The following TTC28 variants were observed in gnomAD, a reference collection of about 807,000 sequenced individuals.
The protein encoded by TTC28 is tetratricopeptide repeat protein 28.
A neutral mutation model predicts 198.0 loss-of-function variants in TTC28; 61 were observed. The observed-to-expected ratio is 0.31, with a 90% confidence interval of 0.25 to 0.38. TTC28 has a LOEUF of 0.38. Among genes scored for constraint, TTC28 ranks in the 10% least tolerant of loss-of-function variants. The pLI, the probability that TTC28 is intolerant of heterozygous loss-of-function variation, is 1.00. For missense variants in TTC28, 2,678 were observed against 3,164.0 expected (o/e 0.85, Z 3.69); for synonymous variants, 1,171 against 1,297.8 (o/e 0.90, Z 2.10).
intron 12 of TTC28, among the ~76,000 whole-genome samples, chr22:28,044,377 G>A (rs1939778950): frequency 6.6e-6 from 1 of 152,060 alleles, no homozygotes; most frequent in South Asian, 2.1e-4. Flanking sequence ...AACAATCAAT[G>A]AATTCTGTGT....
At chr22:28,061,637 G>A (rs1940548520) in intron 12 of TTC28, among the ~76,000 whole-genome samples, 1 of 152,206 alleles carries the variant, frequency 6.6e-6, no homozygotes, top group Non-Finnish European at 1.5e-5. Context: ...AGTACAGTTT[G>A]AAGTCAGGTA....
intron 2 of TTC28, among the ~76,000 whole-genome samples, chr22:28,372,782 T>C (rs1448157157): frequency 6.6e-6 from 1 of 152,166 alleles, no homozygotes; most frequent in Non-Finnish European, 1.5e-5. Context: ...CAGCAAGATT[T>C]GTGCTGTAGG....
rs1013913402 is a variant in TTC28 at position 28,296,265 on chromosome 22, T to C, written c.866A>G (p.Asn289Ser). The change falls in exon 5 of 23, where the codon AAT (asparagine) becomes AGT (serine). Residue 289 changes from asparagine to serine, a missense_variant. Physicochemically the swap from Asn to Ser is conservative, Grantham distance 46. This residue lies in a region of TTC28 where 775 missense variants were observed against 845.9 expected (regional missense o/e 0.92). Transcript: ENST00000397906. ...GTGGTTAGTGAGAGCCTCCCGGTAA[T>C]TTCCTTTGGAGAAGAATGCAGAGCC... The part of the protein sequence containing the change: ...NLGSAFFSKG[N>S]YREALTNHRH... 3.2e-6 allele frequency: 5 copies of C among 1,551,042 alleles called. No homozygotes were observed. The highest frequency in any genetic ancestry group is 4.4e-6 in the Non-Finnish European group (5 of 1,146,744).
chr22:28,302,165 C>T (rs2045040504), intron 3 of TTC28, among the ~76,000 whole-genome samples: 1 of 152,038 alleles, frequency 6.6e-6, no homozygotes. Flanking sequence ...TCTGGGAAGG[C>T]TTCCCAGAGG....
rs1320669216 is a variant in TTC28, at chr22:28,014,306, G to A, written c.4160C>T (p.Ser1387Leu). ...GTSSLPRRQS[S>L]FAKPPLRALY... ...GGCACGGAGCGGGGGCTTGGCAAAC[G>A]AGCTCTGCCTCCTGGGAAGAGAGGA... Residue 1387 changes from serine to leucine, a missense_variant, in exon 14 of 23, where the codon TCG becomes TTG. Transcript: ENST00000397906. 4.7e-5 allele frequency: 73 copies of A among 1,551,532 alleles called. No individual in the cohort carries two copies. The highest frequency in any genetic ancestry group is 6.0e-5 in the Non-Finnish European group (69 of 1,146,992).
intron 5 of TTC28, among the ~76,000 whole-genome samples, chr22:28,221,352 A>G (rs1927842505): frequency 1.3e-5 from 2 of 152,224 alleles, no homozygotes; most frequent in Non-Finnish European, 2.9e-5. Flanking sequence ...AGTTTAGGGT[A>G]GCAAGACTAA....
At chr22:28,123,939 C>T (rs946321758) in intron 6 of TTC28, among the ~76,000 whole-genome samples, 5 of 152,102 alleles carry the variant, frequency 3.3e-5, no homozygotes, top group Non-Finnish European at 5.9e-5. Context: ...GCTGAGATCA[C>T]ACCACTGCAC....
chr22:28,409,583 TA>T (rs890111564), intron 2 of TTC28, among the ~76,000 whole-genome samples: 15 of 149,868 alleles, frequency 1.0e-4, no homozygotes, highest in African/African-American at 2.7e-4. Flanking sequence ...ATAACATATA[TA>T]AAAAACATAT....
intron 2 of TTC28, among the ~76,000 whole-genome samples, chr22:28,602,602 TG>T (rs1197411104): frequency 6.6e-6 from 1 of 152,168 alleles, no homozygotes; most frequent in African/African-American, 2.4e-5. Context: ...TGTTAACAAC[TG>T]GGGGATCTAG....
intron 2 of TTC28, among the ~76,000 whole-genome samples, chr22:28,528,850 G>A (rs1451656885): frequency 1.3e-5 from 2 of 152,004 alleles, no homozygotes; most frequent in African/African-American, 4.8e-5. Flanking sequence ...GAAATTAACT[G>A]GAAGACTGTT....
At chr22:27,990,661 C>T (rs1371988850) in intron 20 of TTC28, 128 bp downstream of exon 20, 34 of 839,236 alleles carry the variant, frequency 4.1e-5, no homozygotes, top group Admixed American at 2.2e-4. Flanking sequence ...CCCGCGGGGG[C>T]GCCGCAGCCC....
intron 12 of TTC28, among the ~76,000 whole-genome samples, chr22:28,070,277 G>A (rs575744369): frequency 2.6e-5 from 4 of 152,258 alleles, no homozygotes; most frequent in African/African-American, 9.6e-5. Flanking sequence ...CAGTGGGAGA[G>A]TGAGAAATTA....
chr22:28,436,184 T>C (rs2047517639), intron 2 of TTC28, among the ~76,000 whole-genome samples: 1 of 152,182 alleles, frequency 6.6e-6, no homozygotes, highest in African/African-American at 2.4e-5. Context: ...GAGAGGTTGA[T>C]AAATGGATAG....
At chr22:28,632,515 T>C (rs1238117938) in intron 1 of TTC28, among the ~76,000 whole-genome samples, 2 of 151,974 alleles carry the variant, frequency 1.3e-5, no homozygotes, top group African/African-American at 2.4e-5. Flanking sequence ...AACATATTGC[T>C]TGAAAGTAAA....
intron 2 of TTC28, among the ~76,000 whole-genome samples, chr22:28,619,312 C>T (rs1374424913): frequency 6.6e-6 from 1 of 152,136 alleles, no homozygotes; most frequent in Non-Finnish European, 1.5e-5. Flanking sequence ...AATGTTAACC[C>T]AGATACAAAT....
chr22:28,177,813 A>G (rs113719259), intron 5 of TTC28, among the ~76,000 whole-genome samples: 178 of 152,348 alleles, frequency 1.2e-3, no homozygotes, highest in Non-Finnish European at 2.3e-3. Context: ...TCAAATGTAT[A>G]GAGAGAATAA....
At chr22:28,636,511 G>T (rs1002863905) in intron 1 of TTC28, among the ~76,000 whole-genome samples, 2 of 152,044 alleles carry the variant, frequency 1.3e-5, no homozygotes, top group African/African-American at 4.8e-5. Flanking sequence ...CTTGGTCATT[G>T]TGAATAATGC....
chr22:28,556,496 T>G (rs1020652997), intron 2 of TTC28, among the ~76,000 whole-genome samples: 1 of 152,240 alleles, frequency 6.6e-6, no homozygotes, highest in Admixed American at 6.5e-5. Flanking sequence ...AAATCTAACA[T>G]CAGTCCAAGT....
chr22:28,111,763 A>G (rs915461754), intron 6 of TTC28, among the ~76,000 whole-genome samples: 23 of 151,984 alleles, frequency 1.5e-4, no homozygotes, highest in African/African-American at 4.6e-4. Context: ...TATTGCAATG[A>G]TTTTCTTAAG....
Sources: allele counts gnomAD v4.1 joint callset (sites outside exome capture counted in the v4.1 genomes callset), GRCh38; gene constraint gnomAD v4.1.1; regional missense constraint gnomAD v4.1.1; transcripts MANE v1.5; gene names NCBI Gene and HGNC (gene_info 2026-07-23, HGNC 2026-07-21).